The following DNAH17 variants were observed in gnomAD, a reference collection of about 807,000 sequenced individuals.
DNAH17 encodes the protein dynein axonemal heavy chain 17.
In DNAH17, 376 loss-of-function variants were observed where a neutral mutation model predicts 485.6. The ratio of observed to expected loss-of-function variants is 0.77; its 90% CI spans 0.71 to 0.84. DNAH17 has a LOEUF of 0.84. Ranked by LOEUF, DNAH17 falls within the 40% of genes least tolerant of loss-of-function variation. The probability of loss-of-function intolerance (pLI) is 0.00; values close to 1 mark genes in which losing one functional copy is unlikely to be tolerated. For missense variants in DNAH17, 6,370 were observed against 5,839.3 expected (o/e 1.09, Z -2.96); for synonymous variants, 3,031 against 2,405.9 (o/e 1.26, Z -7.60).
intron 16 of DNAH17, among the ~76,000 whole-genome samples, chr17:78,549,375 T>C (rs1270754859): frequency 6.6e-6 from 1 of 152,168 alleles, no homozygotes; most frequent in African/African-American, 2.4e-5. Flanking sequence ...AGTATTTTCT[T>C]GTAGCCTCCT....
At chr17:78,427,893 G>A (rs866269023) in intron 77 of DNAH17, among the ~76,000 whole-genome samples, 1 of 151,746 alleles carries the variant, frequency 6.6e-6, no homozygotes, top group South Asian at 2.1e-4. Flanking sequence ...TTGAACCTGG[G>A]AGGCGGAGGT....
chr17:78,470,258 G>A (rs904569042), intron 54 of DNAH17, among the ~76,000 whole-genome samples: 1 of 151,014 alleles, frequency 6.6e-6, no homozygotes, highest in African/African-American at 2.4e-5. Flanking sequence ...GGTAGAGACA[G>A]GGTTTTACCA....
At chr17:78,564,294 C>T (rs1360366999) in intron 11 of DNAH17, among the ~76,000 whole-genome samples, 2 of 152,184 alleles carry the variant, frequency 1.3e-5, no homozygotes, top group Non-Finnish European at 2.9e-5. Context: ...ATGCAGGTGG[C>T]ACAATCTCCA....
In DNAH17 at chr17:78,494,943, T is replaced by G. The variant is rs1416440584; in HGVS notation, c.6042+16A>C. ...ACTCCCACCCACACCCGCCGTGAGC[T>G]CCAGGACACACACACCTGCTTCGAG... On this transcript the variant is annotated intron_variant, in intron 39 of 80. Coordinates refer to ENST00000389840, the MANE Select transcript of DNAH17 (RefSeq NM_173628.4). The G allele has an allele frequency of 6.2e-7, 1 of 1,606,252 alleles. No individual in the cohort carries two copies. Among genetic ancestry groups the G allele is most frequent in the Non-Finnish European group, 8.5e-7 (1 of 1,174,170 alleles).
At chr17:78,526,551 C>T (rs543232224) in intron 24 of DNAH17, 100 bp downstream of exon 24, 54 of 1,045,542 alleles carry the variant, frequency 5.2e-5, no homozygotes, top group South Asian at 3.1e-4. Flanking sequence ...GTCAGTCCGG[C>T]GGAGACCACG....
chr17:78,572,600 A>C lies in DNAH17; in HGVS notation c.539+101T>G, dbSNP rs144211234. ...TAACATGTGAAGCCACTCTGCAGGG[A>C]AACAACGGGTCGGAGTGGGGTGGAG... On this transcript the variant is annotated intron_variant, in intron 3 of 80. Transcript: ENST00000389840. 2.7e-3 allele frequency: 3,076 copies of C among 1,132,394 alleles called. 77 individuals are homozygous for C. In the African/African-American group the frequency reaches 0.043, roughly 16 times the overall value. The allele number at this position is 1,132,394 out of a possible 1,614,324, so 70.1% of individuals were successfully genotyped here.
rs1273047043 is a variant in DNAH17, at chr17:78,507,382, GGGGATCGCCAAGGCATTA to G, written c.4585-31_4585-14del. 2 of 1,613,894 alleles carry G rather than the reference GGGGATCGCCAAGGCATTA, an allele frequency of 1.2e-6. No homozygotes were observed. Among genetic ancestry groups the G allele is most frequent in the East Asian group, 2.2e-5 (1 of 44,900 alleles). On this transcript the variant is annotated splice_polypyrimidine_tract_variant and intron_variant, in intron 28 of 80. Coordinates refer to ENST00000389840, the MANE Select transcript of DNAH17 (RefSeq NM_173628.4). ...CTTCCATCAAGGCCTGGGAAGAGAA[GGGGATCGCCAAGGCATTA>G]GGGATCGCCACACACAGTCATTTCT...
chr17:78,494,975 T>C lies in DNAH17; in HGVS notation c.6026A>G (p.Glu2009Gly), dbSNP rs199886712. The C allele has an allele frequency of 2.5e-4, 403 of 1,613,142 alleles. No individual in the cohort carries two copies. Among genetic ancestry groups the C allele is most frequent in the Middle Eastern group, 1.5e-3 (9 of 6,056 alleles). The change falls in exon 39 of 81, where the codon GAG becomes GGG. Residue 2009 changes from glutamate (E) to glycine (G), a missense_variant. By Grantham distance (98) the Glu-to-Gly change is moderately conservative. Transcript: ENST00000389840. Reference protein sequence around the residue: ...KFITLYTLCKELLSKQDHYDW... With the variant: ...KFITLYTLCKGLLSKQDHYDW... ...CACACACACCTGCTTCGAGAGCAGCTCCTTGCACAAGGTGTACAGGGTGAT... is the reference window on the plus strand; with the variant it reads ...CACACACACCTGCTTCGAGAGCAGCCCCTTGCACAAGGTGTACAGGGTGAT...
chr17:78,474,892 ATGGGCCGGGAGGTTT>A (rs2088937985), intron 54 of DNAH17, among the ~76,000 whole-genome samples: 2 of 146,646 alleles, frequency 1.4e-5, no homozygotes, highest in Non-Finnish European at 3.0e-5. Context: ...CCTCAGTCAC[ATGGGCCGGGAGGTTT>A]CACACGCTTC....
At chr17:78,537,961 A>C (rs962378427) in intron 18 of DNAH17, among the ~76,000 whole-genome samples, 8 of 152,192 alleles carry the variant, frequency 5.3e-5, no homozygotes, top group African/African-American at 1.9e-4. Context: ...CCACATGGCG[A>C]AGCCCCGTCT....
In DNAH17 at chr17:78,426,718, G is replaced by A. The variant is rs749806135; in HGVS notation, c.12772-118C>T. ...GGCTTTGTGCTGCGCCTCTGGAGAC[G>A]CCCTGCATCAGGGCCACGCAAGCGC... is the stretch of plus-strand genomic sequence containing the variant. On this transcript the variant is annotated intron_variant, in intron 78 of 80. Coordinates refer to ENST00000389840, the MANE Select transcript of DNAH17 (RefSeq NM_173628.4). 27 of 1,424,832 alleles carry A rather than the reference G, an allele frequency of 1.9e-5. No individual in the cohort carries two copies. In the East Asian group the frequency reaches 3.9e-4, roughly 21 times the overall value. The allele number at this position is 1,424,832 out of a possible 1,614,324, so 88.3% of individuals were successfully genotyped here.
At position 78,543,873 on chromosome 17, in the gene DNAH17, A is replaced by C; in HGVS notation, c.2516T>G (p.Ile839Ser). The change falls in exon 17 of 81, where the codon ATC becomes AGC. Residue 839 changes from isoleucine (I) to serine (S), a missense_variant. Ile to Ser is a moderately radical substitution (Grantham distance 142). Coordinates refer to ENST00000389840, the MANE Select transcript of DNAH17 (RefSeq NM_173628.4). ...TTTCCTTACTGCAACCATGGCTTGGATCTTCACTCCAGCATCCCTGACTGC... is the reference window on the plus strand; with the variant it reads ...TTTCCTTACTGCAACCATGGCTTGGCTCTTCACTCCAGCATCCCTGACTGC... ...YAAVRDAGVKIQAMVAENAEL... is the reference protein window; with the variant it reads ...YAAVRDAGVKSQAMVAENAEL... 6.2e-7 allele frequency: 1 copy of C among 1,614,018 alleles called. No homozygotes were observed. Among genetic ancestry groups the C allele is most frequent in the South Asian group, 1.1e-5 (1 of 91,086 alleles).
chr17:78,453,924 G>A (rs771364144), intron 64 of DNAH17, among the ~76,000 whole-genome samples: 8 of 151,914 alleles, frequency 5.3e-5, no homozygotes, highest in Non-Finnish European at 7.4e-5. Flanking sequence ...CACAGGCTGG[G>A]CTCAAACTCC....
chr17:78,495,331 A>G (rs1380951902), intron 38 of DNAH17, among the ~76,000 whole-genome samples: 2 of 150,960 alleles, frequency 1.3e-5, no homozygotes, highest in Non-Finnish European at 3.0e-5. Context: ...AGCCACCCCA[A>G]CCCCCCAACC....
intron 27 of DNAH17, among the ~76,000 whole-genome samples, chr17:78,510,085 G>C (rs919099565): frequency 1.3e-5 from 2 of 152,200 alleles, no homozygotes; most frequent in Non-Finnish European, 2.9e-5. Flanking sequence ...GGGAGGCTGA[G>C]GCAGGAGAAT....
chr17:78,510,291 G>T, intron 27 of DNAH17, 93 bp downstream of exon 27: 1 of 1,555,100 alleles, frequency 6.4e-7, no homozygotes, highest in Non-Finnish European at 8.8e-7. Context: ...GAGCCTTGGG[G>T]CTGCAGGACC....
chr17:78,444,939 GCCA>G (rs2087218361), intron 70 of DNAH17, 142 bp from the exon 71 acceptor site: 1 of 838,258 alleles, frequency 1.2e-6, no homozygotes, highest in African/African-American at 1.8e-5. Flanking sequence ...CGAGAGGCTG[GCCA>G]CCAAAGCAGG....
intron 25 of DNAH17, among the ~76,000 whole-genome samples, chr17:78,518,532 A>T (rs1271618903): frequency 6.6e-6 from 1 of 152,212 alleles, no homozygotes; most frequent in East Asian, 1.9e-4. Flanking sequence ...AGAAATAAAC[A>T]CATCTATAAT....
chr17:78,566,457 C>A (rs1309201958), intron 11 of DNAH17, among the ~76,000 whole-genome samples, 157 bp downstream of exon 11: 1 of 152,160 alleles, frequency 6.6e-6, no homozygotes, highest in Admixed American at 6.5e-5. Context: ...TGGGTGTTCA[C>A]GGCTGACTGA....
Sources: gnomAD v4.1 joint callset for allele counts (sites outside exome capture counted in the v4.1 genomes callset) on GRCh38, gnomAD v4.1.1 for gene constraint, MANE v1.5 for transcripts, NCBI Gene and HGNC (gene_info 2026-07-23, HGNC 2026-07-21) for gene names.